NEK8: variants seen among roughly 807,000 people sequenced by gnomAD.
The protein encoded by NEK8 is NIMA related kinase 8, also known as serine/threonine-protein kinase Nek8.
In NEK8, 51 loss-of-function variants were observed where a neutral mutation model predicts 77.2. The observed-to-expected ratio is 0.66, with a 90% CI of 0.53 to 0.83. The LOEUF (loss-of-function observed/expected upper bound fraction) is 0.83. Among genes scored for constraint, NEK8 ranks in the 40% least tolerant of loss-of-function variants. NEK8 has a pLI of 0.00. For synonymous variants in NEK8, 365 were observed against 363.2 expected (o/e 1.00, Z -0.06); for missense variants, 787 against 909.2 (o/e 0.87, Z 1.73).
In NEK8 at chr17:28,737,481, T is replaced by C; in HGVS notation, c.794T>C (p.Leu265Pro). 1 of 1,612,932 alleles carries C rather than the reference T, an allele frequency of 6.2e-7. No individual in the cohort carries two copies. The change falls in exon 5 of 15, where the codon CTC becomes CCC. Residue 265 changes from leucine to proline, a missense_variant. This residue lies in a region of NEK8 where 271 missense variants were observed against 365.1 expected (regional missense o/e 0.74). Transcript: ENST00000268766. This position sits in a 1 kb window ranked among gnomAD's most constrained non-coding sequence, Gnocchi z 4.8. ...QPLCIRALLN[L>P]HTDVGSVRMR... ...CTCTGCATCCGTGCCCTCCTCAACC[T>C]CCACACCGACGTGGGCAGTGTCCGC...
chr17:28,728,934 C>G lies in NEK8; in HGVS notation c.47+74C>G. 3 of 1,349,842 alleles carry G rather than the reference C, an allele frequency of 2.2e-6. No homozygotes were observed. In the South Asian group the frequency reaches 3.7e-5, roughly 17 times the overall value. 83.6% of individuals were successfully genotyped at this position (1,349,842 alleles called of 1,614,324 possible). A position where few individuals can be genotyped will look rare whatever the true frequency, so the allele number is the denominator to read the frequency against. On this transcript the variant is annotated intron_variant, in intron 1 of 14. Transcript: ENST00000268766. ...AGCCCCAATTCCGCCCGCGAAGTCGCCGCCCGCCTAATCCCGCCCCAAGGC... is the reference window on the plus strand; with the variant it reads ...AGCCCCAATTCCGCCCGCGAAGTCGGCGCCCGCCTAATCCCGCCCCAAGGC...
chr17:28,732,203 C>T (rs2034314770), intron 1 of NEK8, among the ~76,000 whole-genome samples: 1 of 151,684 alleles, frequency 6.6e-6, no homozygotes, highest in African/African-American at 2.4e-5. Flanking sequence ...CCCATAATCC[C>T]AGCACTTTGG....
Position 28,737,706 on chromosome 17 carries a change from G to A in NEK8, c.859G>A (p.Gly287Arg), listed in dbSNP as rs867088734. The A allele has an allele frequency of 6.2e-7, 1 of 1,614,158 alleles. No individual in the cohort carries two copies. Among genetic ancestry groups the A allele is most frequent in the East Asian group, 2.2e-5 (1 of 44,888 alleles). ...GAAGTCCGTGGCCCCCAGCAACACAGGGAGCAGGACCACCAGTGTCCGCTG... is the reference window on the plus strand; with the variant it reads ...GAAGTCCGTGGCCCCCAGCAACACAAGGAGCAGGACCACCAGTGTCCGCTG... ...AEKSVAPSNT[G>R]SRTTSVRCRG... Residue 287 changes from glycine to arginine, a missense_variant, in exon 6 of 15, where the codon GGG becomes AGG. Transcript: ENST00000268766. This position sits in a 1 kb window ranked among gnomAD's most constrained non-coding sequence, Gnocchi z 4.8.
rs368688884 is a variant in NEK8, at chr17:28,738,101, C to T, written c.1078C>T (p.Pro360Ser). ...SGRLILWEAP[P>S]LGAGGGSLLP... ...CATCCCCCTGCCCCTGCAGGCCCCA[C>T]CCCTAGGTGCAGGCGGAGGCAGTCT... The change falls in exon 8 of 15, where the codon CCC (proline) becomes TCC (serine). Residue 360 changes from proline to serine, a missense_variant. Pro to Ser is a moderately conservative substitution (Grantham distance 74). Around this residue, in one of 2 missense-constraint regions of NEK8, gnomAD observed 516 missense variants for 544.0 expected, o/e 0.95. Transcript: ENST00000268766. The T allele has an allele frequency of 9.9e-6, 16 of 1,613,576 alleles. No individual in the cohort carries two copies. In the Admixed American group the frequency reaches 2.7e-4, roughly 27 times the overall value.
At chr17:28,738,344 T>A in intron 8 of NEK8, 99 bp downstream of exon 8, 1 of 1,389,570 alleles carries the variant, frequency 7.2e-7, no homozygotes, top group Non-Finnish European at 1.0e-6. Flanking sequence ...TGCTTCTGTC[T>A]ACTAGTTATC....
chr17:28,740,726 C>T lies in NEK8; in HGVS notation c.1569-96C>T, dbSNP rs1011532932. The T allele has an allele frequency of 6.4e-7, 1 of 1,565,662 alleles. No homozygotes were observed. Among genetic ancestry groups the T allele is most frequent in the African/African-American group, 1.3e-5 (1 of 74,094 alleles). ...ACCAGAATTGAGGGGGTTGAGGGTGCTATTGGTTCAACCCAGGGTGGGATC... is the reference window on the plus strand; with the variant it reads ...ACCAGAATTGAGGGGGTTGAGGGTGTTATTGGTTCAACCCAGGGTGGGATC... On this transcript the variant is annotated intron_variant, in intron 11 of 14. Coordinates refer to ENST00000268766, the MANE Select transcript of NEK8 (RefSeq NM_178170.3). This position sits in a 1 kb window ranked among gnomAD's most constrained non-coding sequence, Gnocchi z 4.7.
Position 28,740,612 on chromosome 17 carries a change from A to G in NEK8, c.1567A>G (p.Arg523Gly). The change falls in exon 11 of 15, where the codon AGG (arginine) becomes GGG (glycine). Residue 523 changes from arginine to glycine, a missense_variant and splice_region_variant. Arg to Gly is a moderately radical substitution (Grantham distance 125). Around this residue, in one of 2 missense-constraint regions of NEK8, gnomAD observed 516 missense variants for 544.0 expected, o/e 0.95. Transcript: ENST00000268766. This position sits in a 1 kb window ranked among gnomAD's most constrained non-coding sequence, Gnocchi z 4.7. ...PGQALACGSN[R>G]FNKLGLDHLS... Reference sequence around the variant, plus strand: ...CCAAGCCCTAGCCTGTGGGAGCAACAGGTGAATAGATCATCAGGATGACTA... The same window carrying G: ...CCAAGCCCTAGCCTGTGGGAGCAACGGGTGAATAGATCATCAGGATGACTA... 1 of 1,614,128 alleles carries G rather than the reference A, an allele frequency of 6.2e-7. No individual in the cohort carries two copies. Among genetic ancestry groups the G allele is most frequent in the Non-Finnish European group, 8.5e-7 (1 of 1,180,004 alleles).
chr17:28,742,107 C>A lies in NEK8; in HGVS notation c.*120C>A. 2.9e-6 allele frequency: 3 copies of A among 1,024,770 alleles called. No individual in the cohort carries two copies. The highest frequency in any genetic ancestry group is 4.7e-6 in the Non-Finnish European group (3 of 643,870). The allele number at this position is 1,024,770 out of a possible 1,614,324, so 63.5% of individuals were successfully genotyped here. ...CCTGGATTGTGTCATCATGGGGTATCAGGGCTGGCAAAACCCCTGCTCTGC... is the reference window on the plus strand; with the variant it reads ...CCTGGATTGTGTCATCATGGGGTATAAGGGCTGGCAAAACCCCTGCTCTGC... On this transcript the variant is annotated 3_prime_UTR_variant, in exon 15 of 15. Transcript: ENST00000268766.
In NEK8 at chr17:28,740,697, A is replaced by G. The variant is rs2034411883; in HGVS notation, c.1568+84A>G. The G allele has an allele frequency of 1.9e-6, 3 of 1,590,198 alleles. No homozygotes were observed. Among genetic ancestry groups the G allele is most frequent in the African/African-American group, 1.3e-5 (1 of 74,580 alleles). ...CGTCCATCATTGCCTACCTTTCACC[A>G]AAGACCAGAATTGAGGGGGTTGAGG... On this transcript the variant is annotated intron_variant, in intron 11 of 14. Transcript: ENST00000268766. This position sits in a 1 kb window ranked among gnomAD's most constrained non-coding sequence, Gnocchi z 4.7.
At chr17:28,730,227 C>G (rs868806190) in intron 1 of NEK8, among the ~76,000 whole-genome samples, 2 of 151,428 alleles carry the variant, frequency 1.3e-5, no homozygotes, top group African/African-American at 4.9e-5. Context: ...TCTCCTGCCT[C>G]AGCATCCTGA....
At chr17:28,738,058 G>A (rs375211540) in intron 7 of NEK8, 37 bp from the exon 8 acceptor site, 289 of 1,612,708 alleles carry the variant, frequency 1.8e-4, no homozygotes, top group Non-Finnish European at 2.2e-4. Context: ...AGCAGGGTTG[G>A]GGTGCTCAGG....
intron 1 of NEK8, among the ~76,000 whole-genome samples, chr17:28,732,552 T>TC (rs1010303777): frequency 2.2e-5 from 3 of 135,656 alleles, no homozygotes; most frequent in Non-Finnish European, 3.2e-5. Context: ...TTTCTTTTTT[T>TC]TTTTTTTTTT....
rs1386403155 is a variant in NEK8 at position 28,743,224 on chromosome 17, A to G, written c.*1237A>G. On this transcript the variant is annotated 3_prime_UTR_variant, in exon 15 of 15. Coordinates refer to ENST00000268766, the MANE Select transcript of NEK8 (RefSeq NM_178170.3). ...AGCCCGGGGCTGGGCGGTCCCCGGG[A>G]GTGCTGCCACCTCCCCTACACTTTC... The G allele has an allele frequency of 6.7e-6, 1 of 150,346 alleles. No individual in the cohort carries two copies. Among genetic ancestry groups the G allele is most frequent in the Non-Finnish European group, 1.5e-5 (1 of 67,638 alleles). 9.3% of individuals were successfully genotyped at this position (150,346 alleles called of 1,614,324 possible).
Sources: allele counts gnomAD v4.1 joint callset (sites outside exome capture counted in the v4.1 genomes callset), GRCh38; gene constraint gnomAD v4.1.1; regional missense constraint gnomAD v4.1.1; non-coding constraint Gnocchi (gnomAD v3.1); transcripts MANE v1.5; gene names NCBI Gene and HGNC (gene_info 2026-07-23, HGNC 2026-07-21).